The following KIAA0319L variants were observed in gnomAD, a reference collection of about 807,000 sequenced individuals.
KIAA0319L encodes dyslexia-associated protein KIAA0319-like protein.
Under a neutral mutation model 120.1 loss-of-function variants are expected in KIAA0319L, and 55 were observed. The observed-to-expected ratio is 0.46, with a 90% CI of 0.37 to 0.57. The LOEUF is 0.57. KIAA0319L is among the 20% of genes least tolerant of loss of function. The probability of loss-of-function intolerance (pLI) is 0.00; values close to 1 mark genes in which losing one functional copy is unlikely to be tolerated. For missense variants in KIAA0319L, 1,049 were observed against 1,255.3 expected, an observed-to-expected ratio of 0.84 and a Z score of 2.48; for synonymous variants, 398 against 471.9, an observed-to-expected ratio of 0.84 and a Z score of 2.03.
At chr1:35,446,068 G>A (rs1641597583) in intron 16 of KIAA0319L, among the ~76,000 whole-genome samples, 1 of 152,164 alleles carries the variant, frequency 6.6e-6, no homozygotes. Flanking sequence ...AGCCCTGACT[G>A]TAGATTAAAT....
intron 8 of KIAA0319L, 74 bp from the exon 9 acceptor site, chr1:35,460,511 G>A (rs1381519949): frequency 2.3e-6 from 3 of 1,318,392 alleles, no homozygotes; most frequent in African/African-American, 3.0e-5. Flanking sequence ...ACACAAACCA[G>A]GACAACTACC....
rs1448358168 is a variant in KIAA0319L, at chr1:35,557,398, G to A, written c.-220C>T. The A allele has an allele frequency of 9.6e-6, 3 of 311,238 alleles. No homozygotes were observed. Among genetic ancestry groups the A allele is most frequent in the South Asian group, 6.9e-5 (3 of 43,340 alleles). 19.3% of individuals were successfully genotyped at this position (311,238 alleles called of 1,614,324 possible). A position where few individuals can be genotyped will look rare whatever the true frequency, so the allele number is the denominator to read the frequency against. On this transcript the variant is annotated 5_prime_UTR_variant, in exon 1 of 21. Transcript: ENST00000325722. ...GCCTCCCTGGACAGCGACGGCGGCC[G>A]GAAACACCGCCTCCTCCCACCTCCC... is the stretch of plus-strand genomic sequence containing the variant.
chr1:35,498,210 G>A (rs1644881768), intron 3 of KIAA0319L, among the ~76,000 whole-genome samples: 1 of 152,050 alleles, frequency 6.6e-6, no homozygotes. Context: ...ATGGGTGCCT[G>A]TAATCCCAGC....
Position 35,506,737 on chromosome 1 carries a change from T to G in KIAA0319L, c.541A>C (p.Ser181Arg). ...CTCTTCTGAAGCTTCCTGATTAAGC[T>G]CTGCTGGTCACTGGAAGATACAGCA... Reference protein sequence around the residue: ...RPAVSSSDQQSLIRKLQKRGS... With the variant: ...RPAVSSSDQQRLIRKLQKRGS... Residue 181 changes from serine (S) to arginine (R), a missense_variant, in exon 3 of 21, where the codon AGC (serine) becomes CGC (arginine). Physicochemically the swap from Ser to Arg is moderately radical, Grantham distance 110. Coordinates refer to ENST00000325722, the MANE Select transcript of KIAA0319L (RefSeq NM_024874.5). This position sits in a 1 kb window ranked among gnomAD's most constrained non-coding sequence, Gnocchi z 4.0. 1 of 1,614,206 alleles carries G rather than the reference T, an allele frequency of 6.2e-7. No individual in the cohort carries two copies. Among genetic ancestry groups the G allele is most frequent in the Non-Finnish European group, 8.5e-7 (1 of 1,180,026 alleles).
intron 2 of KIAA0319L, among the ~76,000 whole-genome samples, chr1:35,518,520 A>C (rs1011134001): frequency 6.6e-6 from 1 of 152,192 alleles, no homozygotes; most frequent in Non-Finnish European, 1.5e-5. Context: ...GCATGAACAC[A>C]AAGAAGGGAA....
chr1:35,511,007 C>T (rs2148413818), intron 2 of KIAA0319L: 1 of 152,164 alleles, frequency 6.6e-6, no homozygotes, highest in Middle Eastern at 3.4e-3. Context: ...TGAAAAAGTA[C>T]ATTGGTGTAA....
At chr1:35,471,897 C>T (rs1558388290) in intron 5 of KIAA0319L, among the ~76,000 whole-genome samples, 1 of 152,170 alleles carries the variant, frequency 6.6e-6, no homozygotes, top group African/African-American at 2.4e-5. Flanking sequence ...GAGACAAGGT[C>T]TTCTTCCTTC....
chr1:35,495,851 AT>A (rs1236294096), intron 3 of KIAA0319L, among the ~76,000 whole-genome samples: 1 of 141,854 alleles, frequency 7.0e-6, no homozygotes, highest in African/African-American at 2.7e-5. Context: ...GGGGAAAAAT[AT>A]TAACACTCTA....
intron 2 of KIAA0319L, among the ~76,000 whole-genome samples, chr1:35,541,953 TC>T (rs1646810488): frequency 6.6e-6 from 1 of 152,170 alleles, no homozygotes; most frequent in African/African-American, 2.4e-5. Context: ...GTCATGGGCT[TC>T]AATTAGTCTC....
intron 2 of KIAA0319L, among the ~76,000 whole-genome samples, chr1:35,534,197 GT>G (rs780039294): frequency 6.6e-6 from 1 of 152,218 alleles, no homozygotes; most frequent in Non-Finnish European, 1.5e-5. Flanking sequence ...TAAGAGTACA[GT>G]TTTTTAAATG....
chr1:35,467,099 G>A (rs552461881), intron 6 of KIAA0319L, among the ~76,000 whole-genome samples: 8 of 145,890 alleles, frequency 5.5e-5, no homozygotes, highest in South Asian at 2.1e-4. Context: ...GATAAACAAC[G>A]AACTGAAAAA....
chr1:35,453,562 T>C lies in KIAA0319L; in HGVS notation c.1908A>G (p.Lys636=). 1 of 1,614,076 alleles carries C rather than the reference T, an allele frequency of 6.2e-7. No homozygotes were observed. The highest frequency in any genetic ancestry group is 8.5e-7 in the Non-Finnish European group (1 of 1,179,972). The change falls in exon 12 of 21, where the codon AAA becomes AAG. Residue 636 remains lysine, a synonymous_variant. Transcript: ENST00000325722. The surrounding 1 kb of genome is among the most constrained non-coding windows in gnomAD (Gnocchi z 4.1). Reference sequence around the variant, plus strand: ...GATTTTGTGTCAATACTCACTGTGTTTTTTCCCAGAGATATGAGATAATTT... The same window carrying C: ...GATTTTGTGTCAATACTCACTGTGTCTTTTCCCAGAGATATGAGATAATTT... The part of the protein sequence containing the change: ...DQKIISYLWE[K]TQGPDGVQLE...
At chr1:35,461,584 A>G (rs1642895980) in intron 8 of KIAA0319L, among the ~76,000 whole-genome samples, 1 of 152,274 alleles carries the variant, frequency 6.6e-6, no homozygotes, top group African/African-American at 2.4e-5. Context: ...ATTTTCTTAT[A>G]TATGTATAAA....
intron 2 of KIAA0319L, among the ~76,000 whole-genome samples, chr1:35,524,414 A>C (rs1646040500): frequency 6.6e-6 from 1 of 152,208 alleles, no homozygotes; most frequent in Admixed American, 6.5e-5. Context: ...ACATTGTCCA[A>C]GCTTTGTCAG....
chr1:35,463,487 G>A (rs949363737), intron 7 of KIAA0319L, among the ~76,000 whole-genome samples: 3 of 152,176 alleles, frequency 2.0e-5, no homozygotes, highest in East Asian at 3.9e-4. Flanking sequence ...CCATCCTAGA[G>A]CTCACTGTAT....
chr1:35,513,774 G>A (rs890275967), intron 2 of KIAA0319L, among the ~76,000 whole-genome samples: 1 of 151,984 alleles, frequency 6.6e-6, no homozygotes, highest in Non-Finnish European at 1.5e-5. Context: ...CAGCTTTACT[G>A]CCCACTGATT....
intron 7 of KIAA0319L, 98 bp downstream of exon 7, chr1:35,466,510 C>A (rs751253470): frequency 7.7e-6 from 6 of 776,930 alleles, no homozygotes; most frequent in Non-Finnish European, 1.1e-5. Flanking sequence ...AAATACATTA[C>A]AAAAAAAATG....
At chr1:35,508,839 A>G (rs1424112783) in intron 2 of KIAA0319L, among the ~76,000 whole-genome samples, 1 of 152,166 alleles carries the variant, frequency 6.6e-6, no homozygotes, top group Non-Finnish European at 1.5e-5. Context: ...TAAGAGGTCA[A>G]CACAGATGAA....
At chr1:35,526,783 A>T (rs1346846344) in intron 2 of KIAA0319L, among the ~76,000 whole-genome samples, 2 of 152,000 alleles carry the variant, frequency 1.3e-5, no homozygotes, top group African/African-American at 4.8e-5. Context: ...AAAATTTTAG[A>T]GGTGGGGTAC....
Sources: allele counts gnomAD v4.1 joint callset (sites outside exome capture counted in the v4.1 genomes callset), GRCh38; gene constraint gnomAD v4.1.1; non-coding constraint Gnocchi (gnomAD v3.1); transcripts MANE v1.5; gene names NCBI Gene and HGNC (gene_info 2026-07-23, HGNC 2026-07-21).